The following CLTRN variants were observed in gnomAD, a reference collection of about 807,000 sequenced individuals.
The protein encoded by CLTRN is collectrin, amino acid transport regulator.
In CLTRN, 12 loss-of-function variants were observed where a neutral mutation model predicts 14.5. The ratio of observed to expected loss-of-function variants is 0.83; its 90% CI spans 0.53 to 1.34. CLTRN has a LOEUF of 1.34. CLTRN is among the 40% of genes most tolerant of loss of function. CLTRN has a pLI of 0.00. For missense variants in CLTRN, 154 were observed against 165.1 expected (o/e 0.93, Z 0.37); for synonymous variants, 58 against 56.5 (o/e 1.03, Z -0.12).
upstream of CLTRN, among the ~76,000 whole-genome samples, chrX:15,667,363 G>C (rs1929642133): frequency 8.9e-6 from 1 of 112,374 alleles, no homozygotes; most frequent in African/African-American, 3.2e-5. Flanking sequence ...ATGTAACTCG[G>C]GTTGAAGACA....
intron 5 of CLTRN, among the ~76,000 whole-genome samples, chrX:15,628,575 T>C (rs1372314010): frequency 8.9e-6 from 1 of 112,217 alleles, no homozygotes; most frequent in Non-Finnish European, 1.9e-5. Context: ...ATTCCTCTCA[T>C]GGGATTTGAC....
At chrX:15,646,860 C>G (rs1249002013) in intron 3 of CLTRN, 1 of 302,390 alleles carries the variant, frequency 3.3e-6, no homozygotes, top group African/African-American at 2.7e-5. Context: ...GCAGAGGGAG[C>G]CCGATGCCCA....
upstream of CLTRN, among the ~76,000 whole-genome samples, chrX:15,666,997 G>A (rs989570420): frequency 7.2e-5 from 8 of 111,664 alleles, no homozygotes; most frequent in African/African-American, 2.3e-4. Flanking sequence ...CAGCACTTTC[G>A]GAGGCCGAGG....
At chrX:15,661,331 T>C (rs1430278105) in intron 2 of CLTRN, among the ~76,000 whole-genome samples, 1 of 112,355 alleles carries the variant, frequency 8.9e-6, no homozygotes, top group Non-Finnish European at 1.9e-5. Context: ...TGTCCTTCCA[T>C]TTGTTCATCT....
At chrX:15,647,528 G>T (rs1162469048) in intron 3 of CLTRN, among the ~76,000 whole-genome samples, 1 of 80,135 alleles carries the variant, frequency 1.2e-5, no homozygotes, top group Non-Finnish European at 2.5e-5. Context: ...GTTCTTTCTT[G>T]GTGGGGGGGG....
chrX:15,674,612 T>C (rs900189012), intron 1 of CLTRN, among the ~76,000 whole-genome samples: 1 of 112,643 alleles, frequency 8.9e-6, no homozygotes, highest in Non-Finnish European at 1.9e-5. Context: ...AGAAAGTCAC[T>C]TTTTAGGAGA....
At chrX:15,646,469 C>G (rs1203657742) in intron 3 of CLTRN, 6 of 264,778 alleles carry the variant, frequency 2.3e-5, no homozygotes, top group Non-Finnish European at 4.4e-5. Flanking sequence ...CCCACCCCCC[C>G]GCCCGACCCC....
At chrX:15,671,947 T>C (rs1248649989) in intron 1 of CLTRN, among the ~76,000 whole-genome samples, 2 of 110,710 alleles carry the variant, frequency 1.8e-5, no homozygotes, top group African/African-American at 6.6e-5. Context: ...CTCCATCACA[T>C]ATATCCCCTT....
chrX:15,655,871 G>C (rs1232894381), intron 3 of CLTRN, among the ~76,000 whole-genome samples: 1 of 112,006 alleles, frequency 8.9e-6, no homozygotes, highest in Non-Finnish European at 1.9e-5. Flanking sequence ...TCCTCTATGA[G>C]CACTTCTCTA....
Position 15,639,765 on chromosome X carries a change from C to T in CLTRN, c.318-9G>A, listed in dbSNP as rs2147199318. 1 of 1,172,164 alleles carries T rather than the reference C, an allele frequency of 8.5e-7. No homozygotes were observed. On this transcript the variant is annotated splice_polypyrimidine_tract_variant and intron_variant, in intron 4 of 5. Coordinates refer to ENST00000380342, the MANE Select transcript of CLTRN (RefSeq NM_020665.6). ...TCCGGTTCTTGTTCATTCTAAAATG[C>T]AATGATAATTAAAAATAAACAAAAT... is the stretch of plus-strand genomic sequence containing the variant.
chrX:15,630,451 G>A (rs999606881), intron 5 of CLTRN, among the ~76,000 whole-genome samples: 1 of 111,565 alleles, frequency 9.0e-6, no homozygotes, highest in African/African-American at 3.3e-5. Context: ...TGTATCTCTT[G>A]TATTTTAGGC....
At chrX:15,634,583 G>T (rs1180974207) in intron 5 of CLTRN, among the ~76,000 whole-genome samples, 1 of 110,245 alleles carries the variant, frequency 9.1e-6, no homozygotes, top group African/African-American at 3.3e-5. Context: ...AGACATTATT[G>T]TGAAGTATAT....
chrX:15,646,458 A>AACCCCCCCCCCCCCCC, intron 3 of CLTRN: 1 of 228,796 alleles, frequency 4.4e-6, no homozygotes. Context: ...AAAACCGCGC[A>AACCCCCCCCCCCCCCC]CCCACCCCCC....
At chrX:15,633,910 T>C (rs1245866457) in intron 5 of CLTRN, among the ~76,000 whole-genome samples, 1 of 112,283 alleles carries the variant, frequency 8.9e-6, no homozygotes, top group Non-Finnish European at 1.9e-5. Context: ...CCACAATACA[T>C]ACTATAGCTC....
chrX:15,656,496 C>T (rs1421778809), intron 3 of CLTRN, among the ~76,000 whole-genome samples: 1 of 111,314 alleles, frequency 9.0e-6, no homozygotes, highest in Non-Finnish European at 1.9e-5. Flanking sequence ...CAATAAACAG[C>T]CAGTCCCAAA....
Position 15,628,137 on chromosome X carries a change from C to A in CLTRN, c.513-10G>T. ...TGGTTCTTTGTTCTTTCTAAAAGCA[C>A]ATAAAAAAGAGTGATTGGCATCTAG... is the stretch of plus-strand genomic sequence containing the variant. On this transcript the variant is annotated splice_polypyrimidine_tract_variant and intron_variant, in intron 5 of 5. Coordinates refer to ENST00000380342, the MANE Select transcript of CLTRN (RefSeq NM_020665.6). 9.4e-7 allele frequency: 1 copy of A among 1,064,315 alleles called. No homozygotes were observed. The highest frequency in any genetic ancestry group is 1.2e-6 in the Non-Finnish European group (1 of 814,887). The allele number at this position is 1,064,315 out of a possible 1,213,427, so 87.7% of individuals were successfully genotyped here.
At position 15,639,696 on chromosome X, in the gene CLTRN, T is replaced by C; in HGVS notation, c.378A>G (p.Leu126=). The change falls in exon 5 of 6, where the codon TTA becomes TTG. Residue 126 remains leucine (L), a synonymous_variant. Coordinates refer to ENST00000380342, the MANE Select transcript of CLTRN (RefSeq NM_020665.6). ...FFLNDQTLEF[L]KIPSTLAPPM... ...GTGGTGCAAGTGTGGAAGGGATTTT[T>C]AAAAATTCCAGAGTTTGGTCATTTA... 1 of 1,210,940 alleles carries C rather than the reference T, an allele frequency of 8.3e-7. No individual in the cohort carries two copies. Among genetic ancestry groups the C allele is most frequent in the South Asian group, 1.8e-5 (1 of 56,627 alleles).
chrX:15,629,896 G>C (rs1928651010), intron 5 of CLTRN, among the ~76,000 whole-genome samples: 1 of 111,761 alleles, frequency 8.9e-6, no homozygotes, highest in Non-Finnish European at 1.9e-5. Context: ...TGTTTTTCCT[G>C]TGTTCCAGCC....
At chrX:15,675,353 G>A (rs983054209), upstream of CLTRN, among the ~76,000 whole-genome samples, 1 of 111,263 alleles carries the variant, frequency 9.0e-6, no homozygotes, top group Non-Finnish European at 1.9e-5. Flanking sequence ...AGTAGTGACC[G>A]GCAAGGGAGG....
Sources: gnomAD v4.1 joint callset for allele counts (sites outside exome capture counted in the v4.1 genomes callset) on GRCh38, gnomAD v4.1.1 for gene constraint, MANE v1.5 for transcripts, NCBI Gene and HGNC (gene_info 2026-07-23, HGNC 2026-07-21) for gene names.